NLGN1: variants seen among roughly 807,000 people sequenced by gnomAD.
NLGN1 encodes the protein neuroligin-1.
Under a neutral mutation model 65.5 loss-of-function variants are expected in NLGN1, and 12 were observed. The observed-to-expected ratio is 0.18, with a 90% CI of 0.12 to 0.30. The LOEUF (loss-of-function observed/expected upper bound fraction) is 0.30. Among genes scored for constraint, NLGN1 ranks in the 10% least tolerant of loss-of-function variants. The pLI is 1.00. For missense variants in NLGN1, 750 were observed against 1,007.1 expected (o/e 0.74, Z 3.46); for synonymous variants, 350 against 359.5 (o/e 0.97, Z 0.30).
chr3:174,045,024 T>C (rs905165923), intron 4 of NLGN1, among the ~76,000 whole-genome samples: 5 of 152,150 alleles, frequency 3.3e-5, no homozygotes, highest in Non-Finnish European at 7.3e-5. Flanking sequence ...TTACCCATTC[T>C]TGGGCAGTCC....
intron 2 of NLGN1, among the ~76,000 whole-genome samples, chr3:173,531,564 TAC>T (rs147720926): frequency 3.5e-4 from 52 of 148,052 alleles, no homozygotes; most frequent in Non-Finnish European, 4.2e-4. Context: ...CTGTGTGAAA[TAC>T]ACACACACAC....
At chr3:174,081,564 A>G (rs1349930968) in intron 4 of NLGN1, among the ~76,000 whole-genome samples, 1 of 148,740 alleles carries the variant, frequency 6.7e-6, no homozygotes, top group Non-Finnish European at 1.5e-5. Context: ...TACATGTCCC[A>G]CTTCCTAATA....
Position 173,783,255 on chromosome 3 carries a change from C to T in NLGN1, c.494-24425C>T, listed in dbSNP as rs1023155215. Among the ~76,000 whole-genome samples the T allele has an allele frequency of 1.8e-4, 27 of 152,170 alleles. 1 individual carries two copies. The highest frequency in any genetic ancestry group is 3.5e-4 in the Non-Finnish European group (24 of 68,028). On this transcript the variant is annotated intron_variant, in intron 3 of 6. Transcript: ENST00000457714. The stretch of plus-strand genomic sequence containing the variant: ...ATTACATATTAAAAAGAGACCATTA[C>T]ATTTGAGAAAAACATTCAAAAATCC...
At chr3:173,570,954 G>A (rs951639099) in intron 2 of NLGN1, among the ~76,000 whole-genome samples, 6 of 152,038 alleles carry the variant, frequency 3.9e-5, no homozygotes, top group Non-Finnish European at 8.8e-5. Context: ...CACCCGTCTC[G>A]GCCTCTCAAA....
At chr3:173,628,778 C>G (rs1300964579) in intron 3 of NLGN1, among the ~76,000 whole-genome samples, 11 of 151,956 alleles carry the variant, frequency 7.2e-5, no homozygotes. Flanking sequence ...ACTGCAACCT[C>G]TGTCTCCTGG....
intron 4 of NLGN1, among the ~76,000 whole-genome samples, chr3:173,953,654 A>C (rs988088936): frequency 1.3e-5 from 2 of 152,102 alleles, no homozygotes; most frequent in Non-Finnish European, 1.5e-5. Flanking sequence ...TCCTGGGCTT[A>C]AGTGATCCTC....
intron 4 of NLGN1, among the ~76,000 whole-genome samples, chr3:173,976,289 A>T (rs1358648815): frequency 6.6e-6 from 1 of 152,096 alleles, no homozygotes; most frequent in Non-Finnish European, 1.5e-5. Context: ...TACAGGCTTA[A>T]CAACACAGAC....
At chr3:173,843,203 A>G in intron 4 of NLGN1, among the ~76,000 whole-genome samples, 1 of 152,162 alleles carries the variant, frequency 6.6e-6, no homozygotes, top group Middle Eastern at 3.2e-3. Flanking sequence ...TAGGCTGCAC[A>G]CAGCACAGGG....
In NLGN1 at chr3:174,181,624, A is replaced by G. The variant is rs952479502; in HGVS notation, c.647-93691A>G. Among the ~76,000 whole-genome samples the G allele has an allele frequency of 2.6e-5, 4 of 152,224 alleles. No individual in the cohort carries two copies. In the East Asian group the frequency reaches 7.7e-4, roughly 29 times the overall value. Reference sequence around the variant, plus strand: ...GACTGGGAAACATTCAGATATAAAAATGTAGAAAAAATGTCTATAGTCAGC... The same window carrying G: ...GACTGGGAAACATTCAGATATAAAAGTGTAGAAAAAATGTCTATAGTCAGC... On this transcript the variant is annotated intron_variant, in intron 4 of 6. Coordinates refer to ENST00000457714, the Ensembl canonical transcript of NLGN1.
intron 3 of NLGN1, among the ~76,000 whole-genome samples, chr3:173,686,987 T>C (rs1347146969): frequency 6.6e-6 from 1 of 152,058 alleles, no homozygotes; most frequent in Non-Finnish European, 1.5e-5. Context: ...TGTGAACCTC[T>C]TTTGAAATCT....
At chr3:173,536,228 T>G (rs1294890843) in intron 2 of NLGN1, among the ~76,000 whole-genome samples, 1 of 152,158 alleles carries the variant, frequency 6.6e-6, no homozygotes, top group East Asian at 1.9e-4. Context: ...CAAGAGGTGA[T>G]CAGGCATAAC....
rs557238438 is a variant in NLGN1, at chr3:173,515,983, A to T, written c.-321+80905A>T. On this transcript the variant is annotated intron_variant, in intron 2 of 6. Coordinates refer to ENST00000457714, the Ensembl canonical transcript of NLGN1. ...CATAAAAGGGTCTTGAATTTTATCA[A>T]TTTTTTTCTACATTTAATGAGAGAC... is the stretch of plus-strand genomic sequence containing the variant. Among the ~76,000 whole-genome samples the T allele has an allele frequency of 2.6e-5, 4 of 151,796 alleles. No individual in the cohort carries two copies. The South Asian group carries it at 6.2e-4, about 24-fold the overall frequency.
At chr3:173,524,922 C>T (rs966843917) in intron 2 of NLGN1, among the ~76,000 whole-genome samples, 2 of 152,042 alleles carry the variant, frequency 1.3e-5, no homozygotes, top group African/African-American at 4.8e-5. Flanking sequence ...ACCCCTGCCC[C>T]CAATCATGAT....
intron 4 of NLGN1, among the ~76,000 whole-genome samples, chr3:173,866,540 T>C (rs1304326204): frequency 1.3e-5 from 2 of 152,232 alleles, no homozygotes; most frequent in Non-Finnish European, 2.9e-5. Context: ...TAATCTATTA[T>C]GAGCAAAACT....
chr3:173,572,455 A>G (rs1361992455), intron 2 of NLGN1, among the ~76,000 whole-genome samples: 1 of 152,280 alleles, frequency 6.6e-6, no homozygotes, highest in African/African-American at 2.4e-5. Context: ...TGAGGCTGGC[A>G]CAGCCATGCA....
chr3:174,150,800 A>G (rs570013306), intron 4 of NLGN1, among the ~76,000 whole-genome samples: 5 of 152,292 alleles, frequency 3.3e-5, no homozygotes, highest in Non-Finnish European at 5.9e-5. Flanking sequence ...GTTGGAGAAT[A>G]CAGTGGCATA....
At chr3:174,227,470 A>G (rs1226907655) in intron 4 of NLGN1, among the ~76,000 whole-genome samples, 2 of 139,386 alleles carry the variant, frequency 1.4e-5, no homozygotes, top group African/African-American at 3.4e-5. Flanking sequence ...CAGTTTATTC[A>G]TATCTTTTTT....
intron 4 of NLGN1, among the ~76,000 whole-genome samples, chr3:174,049,269 CAAT>C (rs938238537): frequency 3.9e-4 from 60 of 152,040 alleles, no homozygotes; most frequent in African/African-American, 1.4e-3. Flanking sequence ...AGTTGAGACT[CAAT>C]AATTCTAGAG....
At chr3:173,621,769 C>G (rs1238648618) in intron 3 of NLGN1, among the ~76,000 whole-genome samples, 1 of 151,952 alleles carries the variant, frequency 6.6e-6, no homozygotes, top group African/African-American at 2.4e-5. Flanking sequence ...ATGTTGACAA[C>G]AGATTGGAAA....
Sources: gnomAD v4.1 joint callset for allele counts (sites outside exome capture counted in the v4.1 genomes callset) on GRCh38, gnomAD v4.1.1 for gene constraint, MANE v1.5 for transcripts, NCBI Gene and HGNC (gene_info 2026-07-23, HGNC 2026-07-21) for gene names.